The following CNTN5 variants were observed in gnomAD, a reference collection of about 807,000 sequenced individuals.
CNTN5 encodes the protein contactin 5.
A neutral mutation model predicts 129.1 loss-of-function variants in CNTN5; 77 were observed. The ratio of observed to expected loss-of-function variants is 0.60; its 90% CI spans 0.50 to 0.72. CNTN5 has a LOEUF of 0.72. CNTN5 is among the 30% of genes least tolerant of loss of function. The pLI, the probability that CNTN5 is intolerant of heterozygous loss-of-function variation, is 0.00. For synonymous variants in CNTN5, 509 were observed against 465.6 expected (o/e 1.09, Z -1.20); for missense variants, 1,478 against 1,328.8 (o/e 1.11, Z -1.75).
intron 1 of CNTN5, among the ~76,000 whole-genome samples, chr11:99,128,150 G>A (rs111598027): frequency 0.045 from 6,885 of 152,196 alleles, 209 homozygotes; most frequent in Non-Finnish European, 0.067. Context: ...CACTCAGAGG[G>A]TCCCACGCCC....
At chr11:100,312,072 G>T (rs931627005) in intron 21 of CNTN5, among the ~76,000 whole-genome samples, 1 of 151,954 alleles carries the variant, frequency 6.6e-6, no homozygotes, top group Non-Finnish European at 1.5e-5. Context: ...AGAATTCATG[G>T]ACATAGTAAC....
At chr11:99,736,544 G>C (rs575772100) in intron 3 of CNTN5, among the ~76,000 whole-genome samples, 1 of 152,154 alleles carries the variant, frequency 6.6e-6, no homozygotes, top group Non-Finnish European at 1.5e-5. Flanking sequence ...TGTATCTAAT[G>C]TGTTTAATCT....
intron 2 of CNTN5, among the ~76,000 whole-genome samples, chr11:99,552,479 C>T (rs1038720765): frequency 6.6e-6 from 1 of 151,832 alleles, no homozygotes; most frequent in African/African-American, 2.4e-5. Flanking sequence ...TAAGGCAGGG[C>T]AAATGTAAGA....
At chr11:100,100,863 G>A (rs956346556) in intron 13 of CNTN5, among the ~76,000 whole-genome samples, 1 of 152,028 alleles carries the variant, frequency 6.6e-6, no homozygotes, top group South Asian at 2.1e-4. Flanking sequence ...ACCTAAACTT[G>A]CAACTTAAAT....
At chr11:99,627,863 G>T (rs116722748) in intron 3 of CNTN5, among the ~76,000 whole-genome samples, 2 of 151,120 alleles carry the variant, frequency 1.3e-5, no homozygotes, top group South Asian at 2.1e-4. Context: ...ATATCATGCA[G>T]ATTATTCCCC....
intron 2 of CNTN5, among the ~76,000 whole-genome samples, chr11:99,342,904 T>C (rs1193877953): frequency 1.3e-5 from 2 of 152,120 alleles, no homozygotes; most frequent in African/African-American, 2.4e-5. Context: ...TGAGTCTGTG[T>C]AGAAAATAAC....
intron 3 of CNTN5, among the ~76,000 whole-genome samples, chr11:99,664,164 G>T (rs1285082474): frequency 6.6e-6 from 1 of 152,178 alleles, no homozygotes; most frequent in Non-Finnish European, 1.5e-5. Context: ...TTCTTTGGAT[G>T]TGGGAAGACA....
At chr11:99,305,966 G>A (rs2447146) in intron 1 of CNTN5, among the ~76,000 whole-genome samples, 60 of 151,698 alleles carry the variant, frequency 4.0e-4, no homozygotes, top group African/African-American at 1.3e-3. Context: ...GGGTGACACA[G>A]TGAAACTCCG....
At chr11:99,929,412 T>C (rs1196156685) in intron 7 of CNTN5, among the ~76,000 whole-genome samples, 1 of 152,196 alleles carries the variant, frequency 6.6e-6, no homozygotes, top group Non-Finnish European at 1.5e-5. Context: ...TGCCCCACTC[T>C]CCGTGGTGCC....
rs546524824 is a variant in CNTN5 at position 99,717,448 on chromosome 11, C to G, written c.56-102096C>G. On this transcript the variant is annotated intron_variant, in intron 3 of 24. Coordinates refer to ENST00000524871, the MANE Select transcript of CNTN5 (RefSeq NM_014361.4). Reference sequence around the variant, plus strand: ...ACGAGTGTGCACTACCAATAAAATTCTATCAGTAATATAAAAAAAGATAAA... The same window carrying G: ...ACGAGTGTGCACTACCAATAAAATTGTATCAGTAATATAAAAAAAGATAAA... 1.2e-4 allele frequency among the ~76,000 whole-genome samples: 18 copies of G among 152,018 alleles called. No individual in the cohort carries two copies. In the South Asian group the frequency reaches 1.5e-3, roughly 12 times the overall value.
At position 99,675,236 on chromosome 11, in the gene CNTN5, A is replaced by G. The variant is rs139618163; in HGVS notation, c.55+118967A>G. 3.6e-3 allele frequency among the ~76,000 whole-genome samples: 552 copies of G among 152,296 alleles called. 2 individuals are homozygous for G. The highest frequency in any genetic ancestry group is 0.012 in the African/African-American group (518 of 41,566). On this transcript the variant is annotated intron_variant, in intron 3 of 24. Transcript: ENST00000524871. ...AGTCACTTTAATAGAGAGTAAACCC[A>G]TAACTCCAAGTTGAAATCTCGCCCA... is the stretch of plus-strand genomic sequence containing the variant.
chr11:99,478,911 A>C (rs959727773), intron 2 of CNTN5, among the ~76,000 whole-genome samples: 3 of 152,118 alleles, frequency 2.0e-5, no homozygotes, highest in African/African-American at 7.2e-5. Flanking sequence ...TAACCTGAAA[A>C]TATTTTGTAG....
intron 8 of CNTN5, among the ~76,000 whole-genome samples, chr11:99,959,111 G>A (rs1950876276): frequency 6.6e-6 from 1 of 152,048 alleles, no homozygotes; most frequent in South Asian, 2.1e-4. Flanking sequence ...TGTTGCCCTT[G>A]TTTGGCAAAA....
chr11:99,213,996 C>T (rs1364275945), intron 1 of CNTN5, among the ~76,000 whole-genome samples: 3 of 152,080 alleles, frequency 2.0e-5, no homozygotes, highest in Non-Finnish European at 4.4e-5. Flanking sequence ...ATTTTCTCTA[C>T]TTGATATTAG....
intron 1 of CNTN5, among the ~76,000 whole-genome samples, chr11:99,162,269 T>C (rs988547501): frequency 1.7e-5 from 2 of 120,400 alleles, no homozygotes; most frequent in African/African-American, 2.6e-5. Context: ...TGAGGGTTCC[T>C]AGACATGTTT....
chr11:99,215,415 C>T (rs143802176), intron 1 of CNTN5, among the ~76,000 whole-genome samples: 118 of 152,106 alleles, frequency 7.8e-4, no homozygotes, highest in African/African-American at 2.5e-3. Context: ...AAATAGATTT[C>T]GGAGAATTTG....
chr11:99,117,111 G>A (rs1462366410), intron 1 of CNTN5, among the ~76,000 whole-genome samples: 1 of 152,122 alleles, frequency 6.6e-6, no homozygotes, highest in East Asian at 1.9e-4. Context: ...TTTTCAAGAA[G>A]GAAGAATTGG....
chr11:100,303,767 T>C (rs942383331), intron 20 of CNTN5, among the ~76,000 whole-genome samples: 2 of 151,666 alleles, frequency 1.3e-5, no homozygotes, highest in Non-Finnish European at 3.0e-5. Context: ...TCCAGATCCA[T>C]CCTTAGCTGA....
chr11:99,962,645 T>C (rs1419352538), intron 8 of CNTN5, among the ~76,000 whole-genome samples: 3 of 150,808 alleles, frequency 2.0e-5, no homozygotes, highest in South Asian at 2.1e-4. Context: ...TATAGCAGCA[T>C]GATTTATAGT....
Sources: allele counts gnomAD v4.1 joint callset (sites outside exome capture counted in the v4.1 genomes callset), GRCh38; gene constraint gnomAD v4.1.1; transcripts MANE v1.5; gene names NCBI Gene and HGNC (gene_info 2026-07-23, HGNC 2026-07-21).